The following NLGN1 variants were observed in gnomAD, a reference collection of about 807,000 sequenced individuals.
NLGN1 encodes the protein neuroligin 1.
Under a neutral mutation model 65.5 loss-of-function variants are expected in NLGN1, and 12 were observed. That is an observed-to-expected ratio of 0.18 (90% confidence interval 0.12 to 0.30). The LOEUF (loss-of-function observed/expected upper bound fraction) is 0.30, where lower values mean the gene tolerates loss of function less well. Ranked by LOEUF, NLGN1 falls within the 10% of genes least tolerant of loss-of-function variation. The pLI, the probability that NLGN1 is intolerant of heterozygous loss-of-function variation, is 1.00. For synonymous variants in NLGN1, 350 were observed against 359.5 expected (o/e 0.97, Z 0.30); for missense variants, 750 against 1,007.1 (o/e 0.74, Z 3.46).
chr3:174,149,985 T>C (rs920336805), intron 4 of NLGN1, among the ~76,000 whole-genome samples: 4 of 152,152 alleles, frequency 2.6e-5, no homozygotes, highest in Admixed American at 6.5e-5. Context: ...ACACCACTTA[T>C]TGATTCATAA....
Position 174,280,610 on chromosome 3 carries a change from A to AGTT in NLGN1, c.1780_1782dup (p.Val594dup). The AGTT allele has an allele frequency of 6.2e-7, 1 of 1,613,306 alleles. No homozygotes were observed. The highest frequency in any genetic ancestry group is 8.5e-7 in the Non-Finnish European group (1 of 1,179,508). ...ATCTCCATATTGGATTAAAACCAAG[A>AGTT]GTTAAAGAACATTACAGAGCCAATA... On this transcript the variant is annotated inframe_insertion, in exon 7 of 7. Coordinates refer to ENST00000457714, the Ensembl canonical transcript of NLGN1. The surrounding 1 kb of genome is among the most constrained non-coding windows in gnomAD (Gnocchi z 4.9).
chr3:173,600,590 A>ATGTTTTTTTTTTTTTTTTTTTT (rs1553771688), intron 2 of NLGN1, among the ~76,000 whole-genome samples: 1 of 16,700 alleles, frequency 6.0e-5, no homozygotes, highest in Admixed American at 7.8e-4. Context: ...ATAAAAACAT[A>ATGTTTTTTTTTTTTTTTTTTTT]TCTTTTTTTT....
At chr3:174,143,870 T>A (rs1013604523) in intron 4 of NLGN1, among the ~76,000 whole-genome samples, 8 of 152,218 alleles carry the variant, frequency 5.3e-5, no homozygotes, top group Admixed American at 3.9e-4. Context: ...CAATTTTTTT[T>A]AATTTTAGAC....
In NLGN1 at chr3:173,958,219, T is replaced by G. The variant is rs1160861905; in HGVS notation, c.646+150387T>G. ...ATGTTTCAGCCCTGTTACTTACAGC[T>G]CTTTTAGCCCCACCATTTGGCAGAT... On this transcript the variant is annotated intron_variant, in intron 4 of 6. Transcript: ENST00000457714. Among the ~76,000 whole-genome samples the G allele has an allele frequency of 2.6e-5, 4 of 152,210 alleles. No individual in the cohort carries two copies. In the East Asian group the frequency reaches 7.7e-4, roughly 29 times the overall value.
At chr3:173,806,353 A>T (rs150997339) in intron 3 of NLGN1, among the ~76,000 whole-genome samples, 2 of 152,256 alleles carry the variant, frequency 1.3e-5, no homozygotes, top group Non-Finnish European at 2.9e-5. Context: ...AGTTCTTTCA[A>T]TAAATTTGTA....
intron 4 of NLGN1, among the ~76,000 whole-genome samples, chr3:173,829,553 C>T (rs374363782): frequency 1.4e-5 from 2 of 144,672 alleles, no homozygotes; most frequent in East Asian, 2.1e-4. Context: ...GGAGTGTGTG[C>T]GTGTGTGTGT....
At chr3:173,795,486 C>A (rs554259420) in intron 3 of NLGN1, among the ~76,000 whole-genome samples, 13 of 152,084 alleles carry the variant, frequency 8.5e-5, no homozygotes, top group Admixed American at 2.0e-4. Flanking sequence ...AGAATGATTC[C>A]AAATCAGTCA....
chr3:174,247,660 T>C (rs1744046598), intron 4 of NLGN1, among the ~76,000 whole-genome samples: 1 of 152,184 alleles, frequency 6.6e-6, no homozygotes, highest in African/African-American at 2.4e-5. Context: ...GCATTCATTA[T>C]TCACTCATCA....
At position 174,210,784 on chromosome 3, in the gene NLGN1, G is replaced by A. The variant is rs149712488; in HGVS notation, c.647-64531G>A. 5.9e-3 allele frequency among the ~76,000 whole-genome samples: 898 copies of A among 152,240 alleles called. 24 individuals are homozygous for A. The highest frequency in any genetic ancestry group is 0.029 in the East Asian group (152 of 5,172). On this transcript the variant is annotated intron_variant, in intron 4 of 6. Transcript: ENST00000457714. ...ACATTTTATCAACGCCAGAGCAACA[G>A]GACAAATCTTCTATATGAGGGTGGT...
intron 3 of NLGN1, among the ~76,000 whole-genome samples, chr3:173,758,687 G>A (rs1777496823): frequency 6.6e-6 from 1 of 151,652 alleles, no homozygotes; most frequent in Admixed American, 6.6e-5. Context: ...CGCCAAAAAT[G>A]CCCCCCTCCA....
chr3:174,186,313 T>G, intron 4 of NLGN1, among the ~76,000 whole-genome samples: 1 of 152,118 alleles, frequency 6.6e-6, no homozygotes, highest in East Asian at 1.9e-4. Flanking sequence ...AAATTTGGTT[T>G]CAGCCTCTTT....
At chr3:173,443,620 A>G (rs116398093) in intron 2 of NLGN1, among the ~76,000 whole-genome samples, 3,480 of 152,150 alleles carry the variant, frequency 0.023, 142 homozygotes, top group African/African-American at 0.077. Context: ...TTAATTTTCA[A>G]TTTTCAACAA....
intron 3 of NLGN1, among the ~76,000 whole-genome samples, chr3:173,727,648 G>A (rs1449396916): frequency 1.3e-5 from 2 of 152,030 alleles, no homozygotes; most frequent in East Asian, 3.9e-4. Flanking sequence ...CACCTTGCAA[G>A]GGCTGTAGGG....
At chr3:173,887,040 A>G (rs1295398916) in intron 4 of NLGN1, among the ~76,000 whole-genome samples, 2 of 152,066 alleles carry the variant, frequency 1.3e-5, no homozygotes, top group East Asian at 3.8e-4. Context: ...TTCAGCATGT[A>G]GGTGAAATTT....
At chr3:174,047,590 C>T (rs1413686419) in intron 4 of NLGN1, among the ~76,000 whole-genome samples, 1 of 151,880 alleles carries the variant, frequency 6.6e-6, no homozygotes, top group Admixed American at 6.6e-5. Flanking sequence ...ATGAAAAAAT[C>T]TTAAACACAC....
intron 4 of NLGN1, among the ~76,000 whole-genome samples, chr3:173,885,446 G>A (rs1001190779): frequency 6.6e-6 from 1 of 152,026 alleles, no homozygotes; most frequent in Non-Finnish European, 1.5e-5. Flanking sequence ...ATATTAAAGT[G>A]TAAAGGCAAG....
intron 4 of NLGN1, among the ~76,000 whole-genome samples, chr3:174,229,253 AGG>A (rs1740262857): frequency 6.6e-6 from 1 of 152,128 alleles, no homozygotes; most frequent in Non-Finnish European, 1.5e-5. Flanking sequence ...CTTTGGTGCC[AGG>A]CAGAAGTAGA....
chr3:173,404,469 G>T (rs1718255426), intron 1 of NLGN1, among the ~76,000 whole-genome samples: 1 of 152,128 alleles, frequency 6.6e-6, no homozygotes, highest in African/African-American at 2.4e-5. Flanking sequence ...GCCTCCAGGA[G>T]AATTGATTTT....
At chr3:173,911,886 A>C (rs1354140158) in intron 4 of NLGN1, among the ~76,000 whole-genome samples, 1 of 152,134 alleles carries the variant, frequency 6.6e-6, no homozygotes, top group Non-Finnish European at 1.5e-5. Flanking sequence ...TCACAGATTA[A>C]ATATGTGTCC....
Sources: gnomAD v4.1 joint callset for allele counts (sites outside exome capture counted in the v4.1 genomes callset) on GRCh38, gnomAD v4.1.1 for gene constraint, Gnocchi (gnomAD v3.1) non-coding constraint, MANE v1.5 for transcripts, NCBI Gene and HGNC (gene_info 2026-07-23, HGNC 2026-07-21) for gene names.